Variants in ZNF496 observed in about 807,000 individuals in gnomAD.
ZNF496 encodes the protein NSD1 (nuclear receptor binding SET-domain containing 1)-interacting zinc finger protein 1.
ZNF496 carries 11 observed loss-of-function variants against 58.9 expected under a neutral mutation model. The observed-to-expected ratio is 0.19, with a 90% confidence interval of 0.12 to 0.31. The LOEUF is 0.31. Ranked by LOEUF, ZNF496 falls within the 10% of genes least tolerant of loss-of-function variation. ZNF496 has a pLI of 1.00. For missense variants in ZNF496, 660 were observed against 783.0 expected, an observed-to-expected ratio of 0.84 and a Z score of 1.88; for synonymous variants, 338 against 318.2, an observed-to-expected ratio of 1.06 and a Z score of -0.66.
Position 247,301,261 on chromosome 1 carries a change from C to A in ZNF496, c.1022G>T (p.Arg341Leu), listed in dbSNP as rs767815336. Residue 341 changes from arginine (R) to leucine (L), a missense_variant, in exon 10 of 10, where the codon CGA becomes CTA. Physicochemically the swap from Arg to Leu is moderately radical, Grantham distance 102. Transcript: ENST00000682384. ...TTCATCCAGGCTGTTCTCTAGAGAT[C>A]GCGGGTTGCCGCCAGCTACAGGAAG... ...QNTYPAGGNP[R>L]SLENSLDEEV... is the part of the protein sequence containing the mutation. 2.0e-6 allele frequency: 3 copies of A among 1,512,468 alleles called. No individual in the cohort carries two copies. The South Asian group carries it at 4.0e-5, about 20-fold the overall frequency. The allele number at this position is 1,512,468 out of a possible 1,614,324, so 93.7% of individuals were successfully genotyped here. A position where few individuals can be genotyped will look rare whatever the true frequency, so the allele number is the denominator to read the frequency against.
At chr1:247,301,341 G>C (rs1026666321) in intron 9 of ZNF496, 65 bp from the exon 10 acceptor site, 2 of 1,473,214 alleles carry the variant, frequency 1.4e-6, no homozygotes, top group Non-Finnish European at 1.8e-6. Flanking sequence ...CTATGACCGC[G>C]GCGGAGGAAC....
Position 247,329,908 on chromosome 1 carries a change from T to G in ZNF496, c.-38+58A>C. On this transcript the variant is annotated intron_variant, in intron 3 of 9. Coordinates refer to ENST00000682384, the MANE Select transcript of ZNF496 (RefSeq NM_032752.3). This position sits in a 1 kb window ranked among gnomAD's most constrained non-coding sequence, Gnocchi z 5.5. ...GCATTTCAACGTGACACTGCTGTTTTGAGCATCCCAGGAAACCAACAGCGC... is the reference window on the plus strand; with the variant it reads ...GCATTTCAACGTGACACTGCTGTTTGGAGCATCCCAGGAAACCAACAGCGC... 1 of 268,978 alleles carries G rather than the reference T, an allele frequency of 3.7e-6. No individual in the cohort carries two copies. The highest frequency in any genetic ancestry group is 6.9e-6 in the Non-Finnish European group (1 of 144,664). 16.7% of individuals were successfully genotyped at this position (268,978 alleles called of 1,614,324 possible). A position where few individuals can be genotyped will look rare whatever the true frequency, so the allele number is the denominator to read the frequency against.
At chr1:247,307,104 T>C (rs949217337) in intron 9 of ZNF496, 1 of 985,272 alleles carries the variant, frequency 1.0e-6, no homozygotes, top group African/African-American at 1.7e-5. Context: ...CAGTGGCGGA[T>C]GTAGTAGCAT....
intron 6 of ZNF496, chr1:247,312,391 C>T (rs962382353): frequency 1.3e-5 from 2 of 152,198 alleles, no homozygotes; most frequent in Non-Finnish European, 2.9e-5. Context: ...TTACTGTTCA[C>T]ATTTTTACCA....
intron 6 of ZNF496, among the ~76,000 whole-genome samples, chr1:247,317,164 A>T (rs1207905667): frequency 6.6e-6 from 1 of 152,230 alleles, no homozygotes; most frequent in East Asian, 1.9e-4. Context: ...AAATGAGCAC[A>T]GGAGACTCTG....
chr1:247,324,869 C>T (rs1202594734), intron 5 of ZNF496, among the ~76,000 whole-genome samples: 1 of 152,180 alleles, frequency 6.6e-6, no homozygotes, highest in African/African-American at 2.4e-5. Flanking sequence ...TTGGGACCAT[C>T]TCACCAGCCT....
At position 247,298,631 on chromosome 1, in the gene ZNF496, T is replaced by G. The variant is rs1041898684; in HGVS notation, c.*1888A>C. ...CACCCAGCCCAGAGTTTTCCTGATG[T>G]GAAAATTACGTGAGTGACAAGGAGC... On this transcript the variant is annotated 3_prime_UTR_variant, in exon 10 of 10. Coordinates refer to ENST00000682384, the MANE Select transcript of ZNF496 (RefSeq NM_032752.3). The G allele has an allele frequency of 6.6e-6, 1 of 152,276 alleles. No individual in the cohort carries two copies. Among genetic ancestry groups the G allele is most frequent in the African/African-American group, 2.4e-5 (1 of 41,450 alleles). The allele number at this position is 152,276 out of a possible 1,614,324, so 9.4% of individuals were successfully genotyped here.
intron 6 of ZNF496, among the ~76,000 whole-genome samples, chr1:247,315,172 A>G (rs1659732432): frequency 6.6e-6 from 1 of 151,208 alleles, no homozygotes; most frequent in Non-Finnish European, 1.5e-5. Flanking sequence ...AAAAACACCT[A>G]TGGAATAATT....
chr1:247,320,458 T>C (rs1659928050), intron 6 of ZNF496, among the ~76,000 whole-genome samples: 1 of 152,210 alleles, frequency 6.6e-6, no homozygotes, highest in Admixed American at 6.5e-5. Context: ...AGATCAGTGG[T>C]TGCCAGAGGC....
rs1043190310 is a variant in ZNF496, at chr1:247,298,390, G to A, written c.*2129C>T. Reference sequence around the variant, plus strand: ...CTAGCTTGTGCAGTGGCATGATCTCGGCTTACTGCAACTTCTGCCTCCCAG... The same window carrying A: ...CTAGCTTGTGCAGTGGCATGATCTCAGCTTACTGCAACTTCTGCCTCCCAG... On this transcript the variant is annotated 3_prime_UTR_variant, in exon 10 of 10. Coordinates refer to ENST00000682384, the MANE Select transcript of ZNF496 (RefSeq NM_032752.3). 6.6e-6 allele frequency: 1 copy of A among 152,140 alleles called. No individual in the cohort carries two copies. Among genetic ancestry groups the A allele is most frequent in the Non-Finnish European group, 1.5e-5 (1 of 68,050 alleles). 9.4% of individuals were successfully genotyped at this position (152,140 alleles called of 1,614,324 possible).
rs1224689027 is a variant in ZNF496, at chr1:247,301,145, C to T, written c.1138G>A (p.Glu380Lys). ...GAGGCGGGGAGGCTGCGCTGCTTCT[C>T]TGTGGGGCTCCCCAGCTCTTCTGTG... ...YCTEELGSPT[E>K]KQRSLPASHR... is the part of the protein sequence containing the mutation. Residue 380 changes from glutamate to lysine, a missense_variant, in exon 10 of 10, where the codon GAG (glutamate) becomes AAG (lysine). By Grantham distance (56) the Glu-to-Lys change is moderately conservative (BLOSUM62 1). Coordinates refer to ENST00000682384, the MANE Select transcript of ZNF496 (RefSeq NM_032752.3). The T allele has an allele frequency of 2.5e-6, 4 of 1,613,434 alleles. No homozygotes were observed. Among genetic ancestry groups the T allele is most frequent in the African/African-American group, 2.7e-5 (2 of 75,006 alleles).
At position 247,297,848 on chromosome 1, in the gene ZNF496, T is replaced by TGGGG. The variant is rs1659129867; in HGVS notation, c.*2667_*2670dup. ...GCCTTGGTTGGCTCTGGATCAGTGG[T>TGGGG]GGGGACTCAAGAGACAGCCTCCCTG... On this transcript the variant is annotated 3_prime_UTR_variant, in exon 10 of 10. Transcript: ENST00000682384. The TGGGG allele has an allele frequency of 7.0e-6, 1 of 142,926 alleles. No homozygotes were observed. The highest frequency in any genetic ancestry group is 6.9e-5 in the Admixed American group (1 of 14,462). The allele number at this position is 142,926 out of a possible 1,614,324, so 8.9% of individuals were successfully genotyped here.
intron 9 of ZNF496, 137 bp from the exon 10 acceptor site, chr1:247,301,413 G>A: frequency 8.9e-7 from 1 of 1,127,098 alleles, no homozygotes; most frequent in East Asian, 2.5e-5. Flanking sequence ...GGGGCGGCCT[G>A]GCCAGCCCTG....
chr1:247,313,544 T>C (rs975450710), intron 6 of ZNF496: 6 of 152,212 alleles, frequency 3.9e-5, no homozygotes, highest in Non-Finnish European at 5.9e-5. Flanking sequence ...ACCACTCCTA[T>C]GGTGCGCTGC....
At position 247,331,837 on chromosome 1, in the gene ZNF496, G is replaced by A. The variant is rs983124063; in HGVS notation, c.-417C>T. The A allele has an allele frequency of 6.7e-6, 1 of 149,224 alleles. No individual in the cohort carries two copies. The highest frequency in any genetic ancestry group is 2.4e-5 in the African/African-American group (1 of 41,070). 9.2% of individuals were successfully genotyped at this position (149,224 alleles called of 1,614,324 possible). ...CGGGCGGCGCAGGCCTGGCCGCCGC[G>A]GGAGCCCGCCGGACGCCGAGGAAAG... On this transcript the variant is annotated 5_prime_UTR_variant, in exon 1 of 10. Transcript: ENST00000682384.
chr1:247,319,023 A>G (rs1659872961), intron 6 of ZNF496, among the ~76,000 whole-genome samples: 1 of 152,196 alleles, frequency 6.6e-6, no homozygotes, highest in East Asian at 1.9e-4. Context: ...TCTGTCACCC[A>G]GGCTGGAGTG....
intron 6 of ZNF496, chr1:247,310,757 T>C (rs1245922026): frequency 1.1e-5 from 3 of 277,420 alleles, no homozygotes; most frequent in Non-Finnish European, 2.1e-5. Context: ...CATGAGGACT[T>C]TGCCCTTGTT....
Position 247,328,870 on chromosome 1 carries a change from C to A in ZNF496, c.391-4G>T. On this transcript the variant is annotated splice_region_variant and splice_polypyrimidine_tract_variant and intron_variant, in intron 4 of 9. Transcript: ENST00000682384. ...CAGGGTCTTCACAGTGCTTGAGCTG[C>A]AATCCCAGAGACAGCTTTTCAGGGC... 1.9e-6 allele frequency: 3 copies of A among 1,581,224 alleles called. No homozygotes were observed. The highest frequency in any genetic ancestry group is 2.6e-6 in the Non-Finnish European group (3 of 1,163,762).
In ZNF496 at chr1:247,309,126, GCTATT is replaced by G; in HGVS notation, c.893-543_893-539del. On this transcript the variant is annotated intron_variant, in intron 8 of 9. Transcript: ENST00000682384. This position sits in a 1 kb window ranked among gnomAD's most constrained non-coding sequence, Gnocchi z 4.3. ...GGAGCTGCTGATGATTCTGTACAAAGCTATTTCCTCCTGAAGGAGCAGATGCTTCG... is the reference window on the plus strand; with the variant it reads ...GGAGCTGCTGATGATTCTGTACAAAGTCCTCCTGAAGGAGCAGATGCTTCG... 1 of 167,010 alleles carries G rather than the reference GCTATT, an allele frequency of 6.0e-6. No individual in the cohort carries two copies. Among genetic ancestry groups the G allele is most frequent in the Admixed American group, 5.7e-5 (1 of 17,510 alleles). The allele number at this position is 167,010 out of a possible 1,614,324, so 10.3% of individuals were successfully genotyped here.
Sources: allele counts gnomAD v4.1 joint callset (sites outside exome capture counted in the v4.1 genomes callset), GRCh38; gene constraint gnomAD v4.1.1; non-coding constraint Gnocchi (gnomAD v3.1); transcripts MANE v1.5; gene names NCBI Gene and HGNC (gene_info 2026-07-23, HGNC 2026-07-21).